The following RSPO2 variants were observed in gnomAD, a reference collection of about 807,000 sequenced individuals.
The protein encoded by RSPO2 is R-spondin-2.
Under a neutral mutation model 30.9 loss-of-function variants are expected in RSPO2, and 14 were observed. The ratio of observed to expected loss-of-function variants is 0.45; its 90% CI spans 0.30 to 0.71. The LOEUF is 0.71. RSPO2 is among the 30% of genes least tolerant of loss of function. The pLI, the probability that RSPO2 is intolerant of heterozygous loss-of-function variation, is 0.08. For synonymous variants in RSPO2, 107 were observed against 96.4 expected (o/e 1.11, Z -0.64); for missense variants, 264 against 301.9 (o/e 0.87, Z 0.93).
At chr8:107,927,212 T>C (rs1289338324) in intron 5 of RSPO2, among the ~76,000 whole-genome samples, 1 of 152,200 alleles carries the variant, frequency 6.6e-6, no homozygotes, top group East Asian at 1.9e-4. Flanking sequence ...GTTATTGGTG[T>C]ATAAGAATGC....
At chr8:108,043,458 A>AG (rs1811815490) in intron 2 of RSPO2, among the ~76,000 whole-genome samples, 2 of 152,182 alleles carry the variant, frequency 1.3e-5, no homozygotes, top group African/African-American at 4.8e-5. Context: ...ACAGTGTCAA[A>AG]GAAGTCATAC....
chr8:107,958,048 C>T (rs1336583682), intron 5 of RSPO2, 32 bp downstream of exon 5: 6 of 1,480,354 alleles, frequency 4.1e-6, no homozygotes, highest in Non-Finnish European at 5.5e-6. Flanking sequence ...AGGAAGCACA[C>T]AGCACACAGT....
At chr8:108,017,393 G>A (rs1810924970) in intron 2 of RSPO2, among the ~76,000 whole-genome samples, 1 of 152,088 alleles carries the variant, frequency 6.6e-6, no homozygotes, top group African/African-American at 2.4e-5. Flanking sequence ...ATTCATCCCT[G>A]CAAAATGACA....
At chr8:108,070,453 C>T (rs549356262) in intron 2 of RSPO2, among the ~76,000 whole-genome samples, 7 of 151,804 alleles carry the variant, frequency 4.6e-5, no homozygotes, top group African/African-American at 7.3e-5. Flanking sequence ...CCACCGCGCC[C>T]GGCTAATTTT....
chr8:107,904,294 G>T (rs1460172775), intron 5 of RSPO2, among the ~76,000 whole-genome samples: 1 of 150,874 alleles, frequency 6.6e-6, no homozygotes, highest in East Asian at 2.0e-4. Flanking sequence ...TTCAAGTCAT[G>T]AATTTAACTT....
At chr8:108,041,987 C>A (rs879527695) in intron 2 of RSPO2, among the ~76,000 whole-genome samples, 5 of 152,006 alleles carry the variant, frequency 3.3e-5, no homozygotes, top group Non-Finnish European at 5.9e-5. Flanking sequence ...TAATAAATAA[C>A]CAGAATGAAA....
intron 5 of RSPO2, among the ~76,000 whole-genome samples, chr8:107,906,954 A>G (rs938197208): frequency 3.3e-5 from 5 of 151,950 alleles, no homozygotes; most frequent in Non-Finnish European, 5.9e-5. Flanking sequence ...TTTCAAATAT[A>G]AGAGTTATAT....
rs574426759 is a variant in RSPO2 at position 108,068,773 on chromosome 8, AG to A, written c.94+13771del. Among the ~76,000 whole-genome samples, 12 of 152,354 alleles carry A rather than the reference AG, an allele frequency of 7.9e-5. No individual in the cohort carries two copies. In the East Asian group the frequency reaches 2.3e-3, roughly 29 times the overall value. Reference sequence around the variant, plus strand: ...ATTGGAATTCTACTGTTACAAGTCAAGGAACACCTGAGGCTACCAGAGGCTG... The same window carrying A: ...ATTGGAATTCTACTGTTACAAGTCAAGAACACCTGAGGCTACCAGAGGCTG... On this transcript the variant is annotated intron_variant, in intron 2 of 5. Transcript: ENST00000276659.
intron 2 of RSPO2, among the ~76,000 whole-genome samples, chr8:108,025,300 A>T (rs889202710): frequency 8.5e-5 from 13 of 152,168 alleles, no homozygotes; most frequent in Non-Finnish European, 1.6e-4. Flanking sequence ...AAGAGAATGT[A>T]AAAATCCACC....
intron 5 of RSPO2, among the ~76,000 whole-genome samples, chr8:107,950,750 G>T (rs1457162207): frequency 1.8e-5 from 2 of 112,610 alleles, no homozygotes; most frequent in African/African-American, 4.4e-5. Flanking sequence ...GTTAATTAAT[G>T]GTAAAAAAAA....
At chr8:107,997,559 G>C (rs1815073033) in intron 2 of RSPO2, among the ~76,000 whole-genome samples, 1 of 152,148 alleles carries the variant, frequency 6.6e-6, no homozygotes, top group Non-Finnish European at 1.5e-5. Flanking sequence ...CATAAACAGT[G>C]ATTCTAGCAC....
chr8:107,925,154 G>T (rs903264348), intron 5 of RSPO2, among the ~76,000 whole-genome samples: 3 of 151,812 alleles, frequency 2.0e-5, no homozygotes, highest in Admixed American at 6.6e-5. Context: ...GGGGGTTAAG[G>T]TTGAGAGGGG....
intron 2 of RSPO2, among the ~76,000 whole-genome samples, chr8:108,067,733 G>A (rs907954977): frequency 6.6e-6 from 1 of 152,184 alleles, no homozygotes; most frequent in Non-Finnish European, 1.5e-5. Context: ...GCAATATTGA[G>A]ATTTCACTAA....
At chr8:107,908,330 A>C (rs577421719) in intron 5 of RSPO2, among the ~76,000 whole-genome samples, 1 of 152,338 alleles carries the variant, frequency 6.6e-6, no homozygotes, top group African/African-American at 2.4e-5. Context: ...AACACAAAAC[A>C]GTTTGAAGAC....
intron 2 of RSPO2, among the ~76,000 whole-genome samples, chr8:108,047,423 T>C (rs78906172): frequency 0.014 from 2,135 of 152,312 alleles, 54 homozygotes; most frequent in African/African-American, 0.048. Flanking sequence ...CACTTGACCA[T>C]ATATGCTCTT....
chr8:108,076,655 G>C (rs1011999147), intron 2 of RSPO2, among the ~76,000 whole-genome samples: 5 of 151,990 alleles, frequency 3.3e-5, no homozygotes, highest in African/African-American at 1.2e-4. Flanking sequence ...TTTGGGAGGG[G>C]GCACAGAAAA....
chr8:108,035,709 G>A (rs916881469), intron 2 of RSPO2, among the ~76,000 whole-genome samples: 1 of 152,020 alleles, frequency 6.6e-6, no homozygotes, highest in Admixed American at 6.6e-5. Context: ...CTGACCTCAT[G>A]ATCTGCCTGC....
chr8:107,943,406 C>T (rs577790166), intron 5 of RSPO2, among the ~76,000 whole-genome samples: 4 of 152,212 alleles, frequency 2.6e-5, no homozygotes, highest in South Asian at 4.1e-4. Context: ...AAGAGGTCAC[C>T]GCCCTTGCTT....
At chr8:107,971,164 G>C (rs933653093) in intron 3 of RSPO2, among the ~76,000 whole-genome samples, 1 of 152,158 alleles carries the variant, frequency 6.6e-6, no homozygotes, top group East Asian at 1.9e-4. Context: ...ATAATAGAAC[G>C]ATGTTGCCTA....
Sources: allele counts gnomAD v4.1 joint callset (sites outside exome capture counted in the v4.1 genomes callset), GRCh38; gene constraint gnomAD v4.1.1; transcripts MANE v1.5; gene names NCBI Gene and HGNC (gene_info 2026-07-23, HGNC 2026-07-21).